The following ZNF43 variants were observed in gnomAD, a reference collection of about 807,000 sequenced individuals.
The protein encoded by ZNF43 is zinc finger protein 39-like 1 (KOX 27).
ZNF43 carries 44 observed loss-of-function variants against 68.4 expected under a neutral mutation model. The observed-to-expected ratio is 0.64, with a 90% CI of 0.51 to 0.83. The LOEUF is 0.83. Among genes scored for constraint, ZNF43 ranks in the 40% least tolerant of loss-of-function variants. ZNF43 has a pLI of 0.00. For synonymous variants in ZNF43, 308 were observed against 307.8 expected (o/e 1.00, Z -0.01); for missense variants, 896 against 933.2 (o/e 0.96, Z 0.52).
chr19:21,834,335 CAA>C (rs34305940), intron 1 of ZNF43, among the ~76,000 whole-genome samples: 2,989 of 86,422 alleles, frequency 0.035, 85 homozygotes, highest in African/African-American at 0.1. Flanking sequence ...AACACTGTCT[CAA>C]AAAAAAAAAA....
At chr19:21,819,300 G>C in intron 1 of ZNF43, 79 bp from the exon 2 acceptor site, 2 of 1,451,864 alleles carry the variant, frequency 1.4e-6, no homozygotes, top group South Asian at 1.6e-5. Flanking sequence ...TTTGACTCAA[G>C]GTAAAATGAG....
intron 1 of ZNF43, among the ~76,000 whole-genome samples, chr19:21,822,062 A>C (rs2037870943): frequency 6.6e-6 from 1 of 152,258 alleles, no homozygotes; most frequent in South Asian, 2.1e-4. Context: ...CAGAAGGACC[A>C]AGACCTGCAG....
At chr19:21,814,761 G>C (rs964210287) in intron 3 of ZNF43, among the ~76,000 whole-genome samples, 1 of 151,958 alleles carries the variant, frequency 6.6e-6, no homozygotes, top group Non-Finnish European at 1.5e-5. Context: ...ATACAGAATT[G>C]AAAATTGTCT....
At chr19:21,835,993 A>G in intron 1 of ZNF43, 43 bp downstream of exon 1, 2 of 1,613,412 alleles carry the variant, frequency 1.2e-6, no homozygotes, top group Non-Finnish European at 1.7e-6. Context: ...GAGTCACGCC[A>G]CAGCCCCTTC....
At chr19:21,819,762 G>GT (rs995852492) in intron 1 of ZNF43, among the ~76,000 whole-genome samples, 2 of 151,852 alleles carry the variant, frequency 1.3e-5, no homozygotes, top group East Asian at 1.9e-4. Context: ...AAAAGTCTGT[G>GT]TTTTTTTTCT....
intron 3 of ZNF43, among the ~76,000 whole-genome samples, chr19:21,811,078 C>A (rs1373871174): frequency 6.6e-6 from 1 of 152,194 alleles, no homozygotes; most frequent in South Asian, 2.1e-4. Context: ...AAATAAAACA[C>A]ACTCTTCAAC....
chr19:21,833,740 G>C (rs765320728), intron 1 of ZNF43, among the ~76,000 whole-genome samples: 9 of 151,946 alleles, frequency 5.9e-5, no homozygotes, highest in Non-Finnish European at 1.3e-4. Flanking sequence ...TTCTGAAAAA[G>C]TCTCTGGCTG....
chr19:21,809,926 G>A, intron 3 of ZNF43, 119 bp from the exon 4 acceptor site: 2 of 936,772 alleles, frequency 2.1e-6, no homozygotes, highest in Non-Finnish European at 1.5e-6. Flanking sequence ...AAATACCACA[G>A]GCCCTAATTT....
intron 1 of ZNF43, among the ~76,000 whole-genome samples, chr19:21,834,042 GAA>G (rs201440487): frequency 2.7e-5 from 4 of 150,846 alleles, no homozygotes; most frequent in Non-Finnish European, 3.0e-5. Flanking sequence ...CGGGGCGGGG[GAA>G]AAAAAAGAGT....
intron 1 of ZNF43, among the ~76,000 whole-genome samples, chr19:21,845,059 G>C (rs1016384933): frequency 1.3e-4 from 20 of 151,306 alleles, no homozygotes; most frequent in Non-Finnish European, 2.8e-4. Flanking sequence ...GACGAGACAG[G>C]AGAGTCACAT....
chr19:21,809,073 C>T lies in ZNF43; in HGVS notation c.964G>A (p.Ala322Thr), dbSNP rs1481808404. The T allele has an allele frequency of 6.2e-7, 1 of 1,613,430 alleles. No homozygotes were observed. Residue 322 changes from alanine to threonine, a missense_variant, in exon 4 of 4, where the codon GCC (alanine) becomes ACC (threonine). Coordinates refer to ENST00000354959, the MANE Select transcript of ZNF43 (RefSeq NM_003423.4). ...KPYKCEECGK[A>T]FNWPSTLTKH... The stretch of plus-strand genomic sequence containing the variant: ...GTAAGAGTTGAGGGCCAGTTAAAGG[C>T]TTTGCCACATTCTTCACATTTGTAA...
rs1488567367 is a variant in ZNF43 at position 21,809,347 on chromosome 19, G to T, written c.690C>A (p.Tyr230Ter). 3.1e-6 allele frequency: 5 copies of T among 1,613,690 alleles called. No homozygotes were observed. Among genetic ancestry groups the T allele is most frequent in the Non-Finnish European group, 4.2e-6 (5 of 1,179,902 alleles). The change falls in exon 4 of 4, where the codon TAC becomes TAA. Residue 230 changes from tyrosine (Y) to a stop codon, truncating the protein, a stop_gained. Transcript: ENST00000354959. LOFTEE classifies it high-confidence loss of function. ...HKRINTGEKPYTCEECGKVFN... is the reference protein window; with the variant it reads ...HKRINTGEKP The stretch of plus-strand genomic sequence containing the variant: ...AGACTTTGCCACATTCTTCACATGT[G>T]TAGGGTTTCTCTCCAGTATTAATTC...
rs1333534190 is a variant in ZNF43, at chr19:21,808,737, C to A, written c.1300G>T (p.Ala434Ser). The part of the protein sequence containing the change: ...KPYKCEECGK[A>S]FNWPSTLTKH... ...GTAAGGGTTGAGGGCCAGTTAAAGG[C>A]TTTGCCACATTCTTCACATTTGTAG... The change falls in exon 4 of 4, where the codon GCC becomes TCC. Residue 434 changes from alanine to serine, a missense_variant. Physicochemically the swap from Ala to Ser is moderately conservative, Grantham distance 99. Transcript: ENST00000354959. The A allele has an allele frequency of 2.5e-6, 4 of 1,612,260 alleles. No homozygotes were observed. The highest frequency in any genetic ancestry group is 3.4e-6 in the Non-Finnish European group (4 of 1,179,760).
At chr19:21,834,937 A>G (rs868119989) in intron 1 of ZNF43, among the ~76,000 whole-genome samples, 1 of 140,276 alleles carries the variant, frequency 7.1e-6, no homozygotes, top group Admixed American at 7.0e-5. Context: ...TCTAAAATGT[A>G]CACTAAAAAA....
intron 3 of ZNF43, chr19:21,812,169 C>A (rs10404047): frequency 0.18 from 65,993 of 364,778 alleles, 6,752 homozygotes; most frequent in Non-Finnish European, 0.22. Context: ...CTCTGTCACC[C>A]ATGCTGGAGT....
At chr19:21,835,899 C>T (rs1321732702) in intron 1 of ZNF43, 137 bp downstream of exon 1, 1 of 1,457,752 alleles carries the variant, frequency 6.9e-7, no homozygotes, top group Non-Finnish European at 9.5e-7. Flanking sequence ...GAGCAGCCGC[C>T]ATCTTATGGC....
Position 21,813,221 on chromosome 19 carries a change from C to T in ZNF43, c.230-3414G>A, listed in dbSNP as rs770636690. On this transcript the variant is annotated intron_variant, in intron 3 of 3. Transcript: ENST00000354959. ...GCACGCCATTGGACTCCAGCCTAGG[C>T]GACAAGAGTGAAACTCTGTCTCCAA... Among the ~76,000 whole-genome samples the T allele has an allele frequency of 1.7e-4, 25 of 148,602 alleles. No individual in the cohort carries two copies. The East Asian group carries it at 3.1e-3, about 19-fold the overall frequency.
chr19:21,826,849 A>AAAAAAAAAAAAC (rs1345053156), intron 1 of ZNF43: 2 of 151,754 alleles, frequency 1.3e-5, no homozygotes, highest in South Asian at 2.1e-4. Flanking sequence ...AAAAAAAAAA[A>AAAAAAAAAAAAC]CTGTTGGGTT....
rs1599433902 is a variant in ZNF43, at chr19:21,806,186, T to C, written c.*1421A>G. ...TCACGCATCTTTTTTTTTTTTTTTT[T>C]TCTTTTTGAGATGGAGTTTGACTTT... On this transcript the variant is annotated 3_prime_UTR_variant, in exon 4 of 4. Transcript: ENST00000354959. 3 of 96,608 alleles carry C rather than the reference T, an allele frequency of 3.1e-5. No individual in the cohort carries two copies. Among genetic ancestry groups the C allele is most frequent in the Admixed American group, 1.1e-4 (1 of 9,248 alleles). The allele number at this position is 96,608 out of a possible 1,614,324, so 6.0% of individuals were successfully genotyped here.
Sources: allele counts gnomAD v4.1 joint callset (sites outside exome capture counted in the v4.1 genomes callset), GRCh38; gene constraint gnomAD v4.1.1; transcripts MANE v1.5; gene names NCBI Gene and HGNC (gene_info 2026-07-23, HGNC 2026-07-21).